Variants in CCN6 observed in about 807,000 individuals in gnomAD.
CCN6 encodes cellular communication network factor 6, also known as CCN family member 6.
In CCN6, 31 loss-of-function variants were observed where a neutral mutation model predicts 37.4. That is an observed-to-expected ratio of 0.83 (90% CI 0.62 to 1.12). The LOEUF (loss-of-function observed/expected upper bound fraction) is 1.12, where lower values mean the gene tolerates loss of function less well. Among genes scored for constraint, CCN6 ranks in the 50% most tolerant of loss-of-function variants. The pLI is 0.00. For missense variants in CCN6, 369 were observed against 413.8 expected (o/e 0.89, Z 0.94); for synonymous variants, 137 against 142.1 (o/e 0.96, Z 0.26).
intron 3 of CCN6, chr6:112,067,127 T>C (rs1554314168): frequency 2.1e-6 from 2 of 962,594 alleles, no homozygotes; most frequent in African/African-American, 1.7e-5. Flanking sequence ...CAGTATCAAT[T>C]AAAATAGAGC....
intron 1 of CCN6, 140 bp downstream of exon 1, chr6:112,054,545 C>T: frequency 1.3e-6 from 1 of 772,370 alleles, no homozygotes; most frequent in Non-Finnish European, 2.2e-6. Context: ...AAATAGGAAG[C>T]CATTTTTCTT....
At chr6:112,055,888 C>G (rs1286076753) in intron 1 of CCN6, among the ~76,000 whole-genome samples, 1 of 152,192 alleles carries the variant, frequency 6.6e-6, no homozygotes, top group African/African-American at 2.4e-5. Context: ...CCACCTCCGG[C>G]CCAAGGGTGC....
chr6:112,054,631 A>G, intron 1 of CCN6: 1 of 546,740 alleles, frequency 1.8e-6, no homozygotes, highest in Non-Finnish European at 3.3e-6. Context: ...AGGTAATGGC[A>G]CCGAAGCCTC....
At chr6:112,064,408 A>G (rs1776616854) in intron 2 of CCN6, among the ~76,000 whole-genome samples, 1 of 152,252 alleles carries the variant, frequency 6.6e-6, no homozygotes, top group African/African-American at 2.4e-5. Context: ...TCCTAAGACT[A>G]TATCCTAGCC....
In CCN6 at chr6:112,069,645, A is replaced by C; in HGVS notation, c.*25A>C. 1.2e-6 allele frequency: 2 copies of C among 1,613,140 alleles called. No homozygotes were observed. The highest frequency in any genetic ancestry group is 1.7e-6 in the Non-Finnish European group (2 of 1,179,554). ...AAACCAAGCAAATGGGGGAAAAGTT[A>C]GTCAATCCTGTCATATAATAAAAAA... On this transcript the variant is annotated 3_prime_UTR_variant, in exon 5 of 5. Coordinates refer to ENST00000368666, the MANE Select transcript of CCN6 (RefSeq NM_198239.2).
At chr6:112,069,205 T>G (rs1259235395) in intron 4 of CCN6, 134 bp from the exon 5 acceptor site, 1 of 962,684 alleles carries the variant, frequency 1.0e-6, no homozygotes, top group Non-Finnish European at 1.5e-6. Flanking sequence ...GTAAAGAGAG[T>G]GCTGGAAATC....
chr6:112,064,889 G>T lies in CCN6; in HGVS notation c.481G>T (p.Ala161Ser), dbSNP rs2114457110. 2.5e-6 allele frequency: 4 copies of T among 1,614,112 alleles called. No homozygotes were observed. The East Asian group carries it at 8.9e-5, about 36-fold the overall frequency. The change falls in exon 3 of 5, where the codon GCT becomes TCT. Residue 161 changes from alanine (A) to serine (S), a missense_variant. Transcript: ENST00000368666. ...CACACCTCTGTTCATACCAAAGCTG[G>T]CTGGCAGTCACTGCTCTGGAGCTAA... ...GCTPLFIPKLAGSHCSGAKGG... is the reference protein window; with the variant it reads ...GCTPLFIPKLSGSHCSGAKGG...
chr6:112,054,808 C>T (rs1463925912), intron 1 of CCN6: 6 of 217,068 alleles, frequency 2.8e-5, no homozygotes, highest in African/African-American at 1.4e-4. Context: ...CCTGGAAAAA[C>T]GAATTTTGAC....
At chr6:112,058,446 C>T (rs1174452949) in intron 1 of CCN6, among the ~76,000 whole-genome samples, 9 of 152,178 alleles carry the variant, frequency 5.9e-5, no homozygotes, top group Non-Finnish European at 1.0e-4. Flanking sequence ...TTGCCAGGCA[C>T]TGTGCTAGGT....
At chr6:112,058,852 C>T (rs1034461312) in intron 1 of CCN6, among the ~76,000 whole-genome samples, 1 of 152,162 alleles carries the variant, frequency 6.6e-6, no homozygotes, top group Admixed American at 6.5e-5. Context: ...GGAAGAAATC[C>T]AGATGGTTTT....
In CCN6 at chr6:112,055,334, C is replaced by G. The variant is rs188034221; in HGVS notation, c.48+929C>G. ...TCTGTGTGCCTCCTATTCCACTGTT[C>G]TTGAGAAAAAGCCTGTCATTGTGGA... On this transcript the variant is annotated intron_variant, in intron 1 of 4. Transcript: ENST00000368666. Among the ~76,000 whole-genome samples, 158 of 152,276 alleles carry G rather than the reference C, an allele frequency of 1.0e-3. 1 individual carries two copies. Among genetic ancestry groups the G allele is most frequent in the Non-Finnish European group, 1.8e-3 (123 of 68,024 alleles).
chr6:112,054,419 C>G lies in CCN6; in HGVS notation c.48+14C>G. Reference sequence around the variant, plus strand: ...GGCCTGGCACAGGTAAGTCCTCTCCCCCGACTCTTTCCCTTCCGGAGGCTA... The same window carrying G: ...GGCCTGGCACAGGTAAGTCCTCTCCGCCGACTCTTTCCCTTCCGGAGGCTA... On this transcript the variant is annotated intron_variant, in intron 1 of 4. Coordinates refer to ENST00000368666, the MANE Select transcript of CCN6 (RefSeq NM_198239.2). 6.2e-7 allele frequency: 1 copy of G among 1,612,738 alleles called. No homozygotes were observed. Among genetic ancestry groups the G allele is most frequent in the Non-Finnish European group, 8.5e-7 (1 of 1,179,306 alleles).
chr6:112,053,566 A>C (rs1490667663), upstream of CCN6, among the ~76,000 whole-genome samples: 1 of 151,272 alleles, frequency 6.6e-6, no homozygotes, highest in Admixed American at 6.6e-5. Context: ...TACCAGTGTA[A>C]TTGTTTTATT....
chr6:112,063,546 C>T (rs1464795836), intron 2 of CCN6, among the ~76,000 whole-genome samples: 1 of 152,166 alleles, frequency 6.6e-6, no homozygotes, highest in Non-Finnish European at 1.5e-5. Flanking sequence ...ACATTAATAT[C>T]ATCCTCACCA....
chr6:112,068,405 T>C lies in CCN6; in HGVS notation c.783+7T>C, dbSNP rs1554314537. 1 of 1,590,372 alleles carries C rather than the reference T, an allele frequency of 6.3e-7. No individual in the cohort carries two copies. Among genetic ancestry groups the C allele is most frequent in the Non-Finnish European group, 8.6e-7 (1 of 1,165,682 alleles). ...TATATTAAAGACAATAAAGGTAAAGTTTAAATATATTTAACTTAATTCAAT... is the reference window on the plus strand; with the variant it reads ...TATATTAAAGACAATAAAGGTAAAGCTTAAATATATTTAACTTAATTCAAT... On this transcript the variant is annotated splice_region_variant and intron_variant, in intron 4 of 4. Transcript: ENST00000368666.
chr6:112,061,315 GA>G, intron 2 of CCN6, 27 bp downstream of exon 2: 1 of 1,613,948 alleles, frequency 6.2e-7, no homozygotes, highest in Non-Finnish European at 8.5e-7. Context: ...GGACCTGCTG[GA>G]AAAGATTGAG....
At chr6:112,062,570 T>C (rs1776559073) in intron 2 of CCN6, among the ~76,000 whole-genome samples, 1 of 152,254 alleles carries the variant, frequency 6.6e-6, no homozygotes, top group Non-Finnish European at 1.5e-5. Flanking sequence ...TAACAGGGCA[T>C]AGCCACGAGG....
chr6:112,059,885 G>A, intron 1 of CCN6: 1 of 1,208,282 alleles, frequency 8.3e-7, no homozygotes, highest in Non-Finnish European at 1.1e-6. Context: ...GAAATGTGTA[G>A]GTAATAAGAA....
intron 2 of CCN6, 25 bp from the exon 3 acceptor site, chr6:112,064,730 C>T (rs1392542910): frequency 1.9e-6 from 3 of 1,613,696 alleles, no homozygotes; most frequent in East Asian, 2.2e-5. Flanking sequence ...GCTTCTTTGG[C>T]AATTTTGCTC....
Sources: gnomAD v4.1 joint callset for allele counts (sites outside exome capture counted in the v4.1 genomes callset) on GRCh38, gnomAD v4.1.1 for gene constraint, MANE v1.5 for transcripts, NCBI Gene and HGNC (gene_info 2026-07-23, HGNC 2026-07-21) for gene names.